DLG1: variants seen among roughly 807,000 people sequenced by gnomAD.
The protein encoded by DLG1 is discs large MAGUK scaffold protein 1.
Under a neutral mutation model 123.4 loss-of-function variants are expected in DLG1, and 42 were observed. The ratio of observed to expected loss-of-function variants is 0.34; its 90% confidence interval spans 0.27 to 0.44. The LOEUF (loss-of-function observed/expected upper bound fraction) is 0.44. Ranked by LOEUF, DLG1 falls within the 20% of genes least tolerant of loss-of-function variation. DLG1 has a pLI of 1.00. For synonymous variants in DLG1, 317 were observed against 356.2 expected (o/e 0.89, Z 1.24); for missense variants, 942 against 1,082.6 (o/e 0.87, Z 1.82).
At chr3:197,197,997 C>T (rs1030699079) in intron 4 of DLG1, among the ~76,000 whole-genome samples, 8 of 152,092 alleles carry the variant, frequency 5.3e-5, no homozygotes, top group African/African-American at 1.7e-4. Context: ...TTAACCAAAA[C>T]TTAAATATGA....
At chr3:197,182,236 A>G (rs1308110714) in intron 5 of DLG1, among the ~76,000 whole-genome samples, 1 of 152,206 alleles carries the variant, frequency 6.6e-6, no homozygotes, top group Non-Finnish European at 1.5e-5. Flanking sequence ...TAGTCTTTGC[A>G]TCCTTTCGTG....
intron 4 of DLG1, among the ~76,000 whole-genome samples, chr3:197,282,296 C>T (rs113501752): frequency 3.9e-5 from 6 of 152,318 alleles, no homozygotes; most frequent in African/African-American, 1.4e-4. Context: ...ATGGGTACAA[C>T]TTAGCAGCCC....
At chr3:197,056,886 G>A (rs1374977602) in intron 23 of DLG1, among the ~76,000 whole-genome samples, 1 of 152,164 alleles carries the variant, frequency 6.6e-6, no homozygotes, top group Non-Finnish European at 1.5e-5. Flanking sequence ...TGGAGTCACA[G>A]AGTATGTATA....
At chr3:197,139,239 T>C (rs1050219810) in intron 8 of DLG1, among the ~76,000 whole-genome samples, 2 of 152,128 alleles carry the variant, frequency 1.3e-5, no homozygotes, top group South Asian at 4.1e-4. Context: ...AAACAAAACA[T>C]AATTAAAATA....
intron 4 of DLG1, among the ~76,000 whole-genome samples, chr3:197,196,514 A>C (rs1046664355): frequency 1.3e-5 from 2 of 152,230 alleles, no homozygotes; most frequent in African/African-American, 2.4e-5. Context: ...AGTAGATATA[A>C]GGAAGGAAAT....
chr3:197,179,476 C>A (rs1808943144), intron 5 of DLG1, among the ~76,000 whole-genome samples: 1 of 152,148 alleles, frequency 6.6e-6, no homozygotes, highest in African/African-American at 2.4e-5. Flanking sequence ...ATGGCTTGTA[C>A]TTACAAATTA....
chr3:197,138,142 G>T, intron 9 of DLG1, 80 bp downstream of exon 9: 1 of 792,430 alleles, frequency 1.3e-6, no homozygotes. Flanking sequence ...TACTTGGAAT[G>T]TATGTCACAG....
At chr3:197,260,265 G>A (rs1453430781) in intron 4 of DLG1, 14 of 434,572 alleles carry the variant, frequency 3.2e-5, no homozygotes, top group Non-Finnish European at 4.2e-5. Flanking sequence ...TTACCTTTGT[G>A]GTTACAATGC....
At chr3:197,059,859 A>G in intron 23 of DLG1, 30 bp downstream of exon 23, 3 of 1,453,116 alleles carry the variant, frequency 2.1e-6, no homozygotes, top group Non-Finnish European at 1.9e-6. Flanking sequence ...ATTTGTACAC[A>G]GAGGCTATGC....
rs887684307 is a variant in DLG1 at position 197,048,303 on chromosome 3, TCTA to T, written c.2575+3271_2575+3273del. Among the ~76,000 whole-genome samples, 23 of 152,136 alleles carry T rather than the reference TCTA, an allele frequency of 1.5e-4. 1 individual carries two copies. The highest frequency in any genetic ancestry group is 2.8e-4 in the Non-Finnish European group (19 of 68,032). ...CTGACCAACATGGCAAAACCCTGTCTCTACTAAAAATACAAAAATTAGCCGGGT... is the reference window on the plus strand; with the variant it reads ...CTGACCAACATGGCAAAACCCTGTCTCTAAAAATACAAAAATTAGCCGGGT... On this transcript the variant is annotated intron_variant, in intron 24 of 24. Transcript: ENST00000667157.
intron 1 of DLG1, chr3:197,297,948 C>T (rs1322822313): frequency 5.6e-5 from 55 of 981,532 alleles, no homozygotes; most frequent in Non-Finnish European, 6.4e-5. Context: ...GGGGGAGGAG[C>T]TCCCCTGGGC....
intron 4 of DLG1, among the ~76,000 whole-genome samples, chr3:197,217,334 C>T (rs1216052102): frequency 1.3e-5 from 2 of 152,166 alleles, no homozygotes; most frequent in African/African-American, 4.8e-5. Context: ...AAATGAAATG[C>T]TTTCCAATTA....
At chr3:197,204,905 A>C (rs1254188813) in intron 4 of DLG1, among the ~76,000 whole-genome samples, 1 of 152,188 alleles carries the variant, frequency 6.6e-6, no homozygotes, top group Non-Finnish European at 1.5e-5. Flanking sequence ...GGAATAAAAA[A>C]AGCATTAAAA....
chr3:197,077,884 A>ATAGATTTTT (rs1181032782), intron 17 of DLG1, among the ~76,000 whole-genome samples: 2 of 152,198 alleles, frequency 1.3e-5, no homozygotes, highest in African/African-American at 4.8e-5. Flanking sequence ...AATATAAAGA[A>ATAGATTTTT]TAGATTTTTT....
chr3:197,233,424 T>G lies in DLG1; in HGVS notation c.319-38835A>C, dbSNP rs1052478985. 1.1e-4 allele frequency among the ~76,000 whole-genome samples: 16 copies of G among 152,246 alleles called. 1 individual carries two copies. The highest frequency in any genetic ancestry group is 3.9e-4 in the African/African-American group (16 of 41,480). ...TTTTTTGAGACAGAGTCTAGCTCCA[T>G]CGCCCAGGCTGGTGTGCAGTGGTGG... On this transcript the variant is annotated intron_variant, in intron 4 of 24. Coordinates refer to ENST00000667157, the MANE Select transcript of DLG1 (RefSeq NM_001366207.1).
At chr3:197,154,130 G>A (rs938206539) in intron 5 of DLG1, among the ~76,000 whole-genome samples, 1 of 151,336 alleles carries the variant, frequency 6.6e-6, no homozygotes, top group Non-Finnish European at 1.5e-5. Context: ...CTGAAACCCT[G>A]TCTCTACTAA....
In DLG1 at chr3:197,107,136, C is replaced by G. The variant is rs1488351802; in HGVS notation, c.1444-2131G>C. Among the ~76,000 whole-genome samples the G allele has an allele frequency of 2.0e-5, 3 of 152,250 alleles. No homozygotes were observed. In the East Asian group the frequency reaches 5.8e-4, roughly 29 times the overall value. ...AATAAACGGGATATATAATATGTAG[C>G]CATCTGTGCTTGGCTTCTTTCACTT... On this transcript the variant is annotated intron_variant, in intron 13 of 24. Coordinates refer to ENST00000667157, the MANE Select transcript of DLG1 (RefSeq NM_001366207.1).
chr3:197,183,670 C>T, intron 5 of DLG1: 3 of 1,550,554 alleles, frequency 1.9e-6, no homozygotes, highest in Non-Finnish European at 2.6e-6. Flanking sequence ...GGTTCTGGCT[C>T]AGCTTGCAGT....
At chr3:197,197,061 A>G (rs185305814) in intron 4 of DLG1, among the ~76,000 whole-genome samples, 21 of 152,362 alleles carry the variant, frequency 1.4e-4, no homozygotes, top group Admixed American at 1.0e-3. Context: ...CTTTTAATTT[A>G]TAAGTTCCCT....
Sources: allele counts gnomAD v4.1 joint callset (sites outside exome capture counted in the v4.1 genomes callset), GRCh38; gene constraint gnomAD v4.1.1; transcripts MANE v1.5; gene names NCBI Gene and HGNC (gene_info 2026-07-23, HGNC 2026-07-21).